Variants in YES1 observed in about 807,000 individuals in gnomAD.
The protein encoded by YES1 is tyrosine-protein kinase Yes.
A neutral mutation model predicts 70.4 loss-of-function variants in YES1; 39 were observed. The ratio of observed to expected loss-of-function variants is 0.55; its 90% CI spans 0.43 to 0.72. The LOEUF is 0.72. YES1 is among the 30% of genes least tolerant of loss of function. The pLI is 0.00. For synonymous variants in YES1, 198 were observed against 218.6 expected (o/e 0.91, Z 0.83); for missense variants, 495 against 644.8 (o/e 0.77, Z 2.52).
intron 1 of YES1, among the ~76,000 whole-genome samples, chr18:769,749 G>C (rs1446331097): frequency 1.3e-5 from 2 of 151,980 alleles, no homozygotes; most frequent in African/African-American, 4.8e-5. Context: ...TAAACCTTGG[G>C]ACCTTTGCAT....
intron 11 of YES1, among the ~76,000 whole-genome samples, chr18:730,681 T>A (rs1429148755): frequency 6.6e-6 from 1 of 152,186 alleles, no homozygotes; most frequent in Non-Finnish European, 1.5e-5. Context: ...GAAAAGCCAA[T>A]ATAAATGGGC....
rs1032600928 is a variant in YES1 at position 743,906 on chromosome 18, GA to G, written c.725-492del. ...GGGTGACACAGTGAGATTCTGACTCGAAAAAAAAAAAAATATATATATATAT... is the reference window on the plus strand; with the variant it reads ...GGGTGACACAGTGAGATTCTGACTCGAAAAAAAAAAAATATATATATATAT... On this transcript the variant is annotated intron_variant, in intron 6 of 11. Transcript: ENST00000314574. Among the ~76,000 whole-genome samples, 767 of 113,766 alleles carry G rather than the reference GA, an allele frequency of 6.7e-3. 3 individuals are homozygous for G. The highest frequency in any genetic ancestry group is 0.011 in the Non-Finnish European group (592 of 53,854). The allele number at this position is 113,766 out of a possible 152,430, so 74.6% of individuals were successfully genotyped here. A position where few individuals can be genotyped will look rare whatever the true frequency, so the allele number is the denominator to read the frequency against.
chr18:725,018 A>T (rs1219559470), intron 11 of YES1, among the ~76,000 whole-genome samples: 1 of 152,240 alleles, frequency 6.6e-6, no homozygotes, highest in Non-Finnish European at 1.5e-5. Flanking sequence ...ACTTTAAAAC[A>T]GGAATTCAGA....
intron 1 of YES1, among the ~76,000 whole-genome samples, chr18:763,602 T>C (rs893622495): frequency 2.0e-5 from 3 of 149,684 alleles, no homozygotes; most frequent in African/African-American, 4.9e-5. Context: ...ACTTGGGAGG[T>C]TGAGGTGGGA....
At chr18:729,619 C>CTTTTTTTTTTTT (rs869223956) in intron 11 of YES1, among the ~76,000 whole-genome samples, 1 of 75,384 alleles carries the variant, frequency 1.3e-5, no homozygotes, top group Non-Finnish European at 2.3e-5. Context: ...TGATTTTGAA[C>CTTTTTTTTTTTT]TTTTTTTTTT....
At chr18:750,028 G>A (rs1471334992) in intron 3 of YES1, among the ~76,000 whole-genome samples, 4 of 152,110 alleles carry the variant, frequency 2.6e-5, no homozygotes, top group Non-Finnish European at 5.9e-5. Context: ...ATAGATATGG[G>A]ATTTGTTACT....
chr18:771,394 C>T (rs1368443136), intron 1 of YES1, among the ~76,000 whole-genome samples: 2 of 151,846 alleles, frequency 1.3e-5, no homozygotes, highest in East Asian at 3.9e-4. Context: ...CATTTGAGTG[C>T]AGAGGGTATT....
intron 1 of YES1, among the ~76,000 whole-genome samples, chr18:805,906 T>C (rs1907074133): frequency 6.6e-6 from 1 of 152,142 alleles, no homozygotes; most frequent in Non-Finnish European, 1.5e-5. Context: ...GTGAAAATCC[T>C]CTTAAGTCAG....
chr18:725,223 A>C (rs1454264050), intron 11 of YES1, among the ~76,000 whole-genome samples: 2 of 151,464 alleles, frequency 1.3e-5, no homozygotes, highest in Non-Finnish European at 2.9e-5. Context: ...ATCTTATCAC[A>C]GGACAGCAAA....
At position 722,699 on chromosome 18, in the gene YES1, C is replaced by T. The variant is rs1322786975; in HGVS notation, c.*1725G>A. 2 of 152,140 alleles carry T rather than the reference C, an allele frequency of 1.3e-5. No homozygotes were observed. Among genetic ancestry groups the T allele is most frequent in the Non-Finnish European group, 2.9e-5 (2 of 68,042 alleles). 9.4% of individuals were successfully genotyped at this position (152,140 alleles called of 1,614,324 possible). On this transcript the variant is annotated 3_prime_UTR_variant, in exon 12 of 12. Transcript: ENST00000314574. ...TGCACTTTAGGGTAAAAACTGTCCC[C>T]TTTTCACCACCGTTAATATTCAGAA...
At chr18:776,784 A>G (rs1176934907) in intron 1 of YES1, among the ~76,000 whole-genome samples, 1 of 152,162 alleles carries the variant, frequency 6.6e-6, no homozygotes. Context: ...GAGGTTCTAA[A>G]ATGTTGACTG....
intron 1 of YES1, among the ~76,000 whole-genome samples, chr18:761,691 T>A (rs750379285): frequency 1.3e-5 from 2 of 152,232 alleles, no homozygotes; most frequent in Non-Finnish European, 2.9e-5. Context: ...CTCACACATC[T>A]ACGCACTTAT....
intron 1 of YES1, among the ~76,000 whole-genome samples, chr18:786,954 G>A (rs1215909758): frequency 6.6e-6 from 1 of 151,926 alleles, no homozygotes; most frequent in Non-Finnish European, 1.5e-5. Flanking sequence ...TTCAGTCTTT[G>A]ATTAGGTAGT....
intron 11 of YES1, among the ~76,000 whole-genome samples, chr18:727,081 A>T (rs1394376675): frequency 1.3e-5 from 2 of 152,310 alleles, no homozygotes; most frequent in East Asian, 3.9e-4. Context: ...GGTAATCTAC[A>T]AATCGTTTAT....
At chr18:802,927 A>G (rs1047914870) in intron 1 of YES1, among the ~76,000 whole-genome samples, 1 of 152,120 alleles carries the variant, frequency 6.6e-6, no homozygotes, top group African/African-American at 2.4e-5. Flanking sequence ...ATTCTAAAAA[A>G]AAATAAAAAT....
At chr18:770,363 C>CCTCA (rs1905098718) in intron 1 of YES1, among the ~76,000 whole-genome samples, 1 of 151,562 alleles carries the variant, frequency 6.6e-6, no homozygotes, top group Admixed American at 6.6e-5. Context: ...GCTAGTAAAA[C>CCTCA]CTCAAATGCT....
chr18:757,375 C>G (rs1004772674), intron 1 of YES1, among the ~76,000 whole-genome samples: 1 of 151,866 alleles, frequency 6.6e-6, no homozygotes, highest in African/African-American at 2.4e-5. Flanking sequence ...TGGTGGTGGG[C>G]GCCTGTAGTC....
rs2080276490 is a variant in YES1 at position 745,968 on chromosome 18, C to T, written c.554G>A (p.Arg185Lys). Residue 185 changes from arginine (R) to lysine (K), a missense_variant, in exon 5 of 12, where the codon AGA becomes AAA. Arg to Lys is a conservative substitution (Grantham distance 26). This residue lies in a region of YES1 where 385 missense variants were observed against 540.9 expected (regional missense o/e 0.71). Transcript: ENST00000314574. ...PGNQRGIFLV[R>K]ESETTKGAYS... ...CATACCTTTAGTTGTTTCACTCTCT[C>T]TTACTAAGAAAATACCTCGTTGATT... is the stretch of plus-strand genomic sequence containing the variant. 1 of 1,612,804 alleles carries T rather than the reference C, an allele frequency of 6.2e-7. No individual in the cohort carries two copies. The highest frequency in any genetic ancestry group is 8.5e-7 in the Non-Finnish European group (1 of 1,179,342).
chr18:757,303 AC>A (rs1350715264), intron 1 of YES1, among the ~76,000 whole-genome samples: 2 of 151,738 alleles, frequency 1.3e-5, no homozygotes, highest in Admixed American at 1.3e-4. Flanking sequence ...GGAGATTGAG[AC>A]CATCCTGGCT....
Sources: gnomAD v4.1 joint callset for allele counts (sites outside exome capture counted in the v4.1 genomes callset) on GRCh38, gnomAD v4.1.1 for gene constraint, gnomAD v4.1.1 regional missense constraint, MANE v1.5 for transcripts, NCBI Gene and HGNC (gene_info 2026-07-23, HGNC 2026-07-21) for gene names.